MFSD6: variants seen among roughly 807,000 people sequenced by gnomAD.
MFSD6 encodes major facilitator superfamily domain-containing protein 6.
A neutral mutation model predicts 56.3 loss-of-function variants in MFSD6; 26 were observed. That is an observed-to-expected ratio of 0.46 (90% CI 0.34 to 0.64). The LOEUF is 0.64. MFSD6 is among the 30% of genes least tolerant of loss of function. MFSD6 has a pLI of 0.01. For synonymous variants in MFSD6, 331 were observed against 366.9 expected (o/e 0.90, Z 1.12); for missense variants, 750 against 986.2 (o/e 0.76, Z 3.21).
In MFSD6 at chr2:190,476,475, A is replaced by G. The variant is rs1688321453; in HGVS notation, c.1630+6620A>G. On this transcript the variant is annotated intron_variant, in intron 4 of 7. Coordinates refer to ENST00000392328, the MANE Select transcript of MFSD6 (RefSeq NM_017694.4). The stretch of plus-strand genomic sequence containing the variant: ...AAAATGCTCATCATCACTGGCCATC[A>G]GAGAAATGCAAATCAAAACCACAAT... Among the ~76,000 whole-genome samples, 4 of 152,242 alleles carry G rather than the reference A, an allele frequency of 2.6e-5. No homozygotes were observed. The South Asian group carries it at 8.3e-4, about 32-fold the overall frequency.
In MFSD6 at chr2:190,501,986, G is replaced by C. The variant is rs945606655; in HGVS notation, c.*1768G>C. On this transcript the variant is annotated 3_prime_UTR_variant, in exon 8 of 8. Coordinates refer to ENST00000392328, the MANE Select transcript of MFSD6 (RefSeq NM_017694.4). ...AAGTCAAAAACTTGTACTGTATCTTGTGTTTACAGTTCTGATTTATTCCTT... is the reference window on the plus strand; with the variant it reads ...AAGTCAAAAACTTGTACTGTATCTTCTGTTTACAGTTCTGATTTATTCCTT... The C allele has an allele frequency of 1.3e-5, 2 of 152,612 alleles. No homozygotes were observed. The highest frequency in any genetic ancestry group is 2.9e-5 in the Non-Finnish European group (2 of 68,030). The allele number at this position is 152,612 out of a possible 1,614,324, so 9.5% of individuals were successfully genotyped here.
chr2:190,433,937 T>TCAGGTG lies in MFSD6; in HGVS notation c.-53-2039_-53-2038insAGGTGC, dbSNP rs1686088943. Among the ~76,000 whole-genome samples, 1 of 152,148 alleles carries TCAGGTG rather than the reference T, an allele frequency of 6.6e-6. No homozygotes were observed. Among genetic ancestry groups the TCAGGTG allele is most frequent in the Non-Finnish European group, 1.5e-5 (1 of 68,006 alleles). ...AGGGTGCAGTGGTTCACGCCTGTAA[T>TCAGGTG]CCCAGCACTTTGGGAGGCTGAGGCA... On this transcript the variant is annotated intron_variant, in intron 2 of 7. Coordinates refer to ENST00000392328, the MANE Select transcript of MFSD6 (RefSeq NM_017694.4). The surrounding 1 kb of genome is among the most constrained non-coding windows in gnomAD (Gnocchi z 4.5).
At position 190,467,444 on chromosome 2, in the gene MFSD6, C is replaced by T. The variant is rs565867150; in HGVS notation, c.1533-2314C>T. Among the ~76,000 whole-genome samples the T allele has an allele frequency of 1.3e-5, 2 of 152,302 alleles. No homozygotes were observed. The highest frequency in any genetic ancestry group is 2.9e-5 in the Non-Finnish European group (2 of 68,034). On this transcript the variant is annotated intron_variant, in intron 3 of 7. Transcript: ENST00000392328. The surrounding 1 kb of genome is among the most constrained non-coding windows in gnomAD (Gnocchi z 5.5). ...CCTGGCCAACATGGCAAAACCTCGTCTCTACTAAAAATACAAAAATTAGCC... is the reference window on the plus strand; with the variant it reads ...CCTGGCCAACATGGCAAAACCTCGTTTCTACTAAAAATACAAAAATTAGCC...
At position 190,488,193 on chromosome 2, in the gene MFSD6, G is replaced by C. The variant is rs1342490005; in HGVS notation, c.1631-464G>C. ...TGGGATTACAGGCGTGAGCCACTGC[G>C]CCCAGCCACTCAAAAGAATTTAAAT... On this transcript the variant is annotated intron_variant, in intron 4 of 7. Coordinates refer to ENST00000392328, the MANE Select transcript of MFSD6 (RefSeq NM_017694.4). This position sits in a 1 kb window ranked among gnomAD's most constrained non-coding sequence, Gnocchi z 6.4. 6.6e-6 allele frequency among the ~76,000 whole-genome samples: 1 copy of C among 152,140 alleles called. No individual in the cohort carries two copies. The highest frequency in any genetic ancestry group is 2.1e-4 in the South Asian group (1 of 4,834).
rs773528789 is a variant in MFSD6, at chr2:190,463,987, A to C, written c.1533-5771A>C. 1 of 747,376 alleles carries C rather than the reference A, an allele frequency of 1.3e-6. No homozygotes were observed. The highest frequency in any genetic ancestry group is 1.6e-6 in the Non-Finnish European group (1 of 612,708). 46.3% of individuals were successfully genotyped at this position (747,376 alleles called of 1,614,324 possible). A position where few individuals can be genotyped will look rare whatever the true frequency, so the allele number is the denominator to read the frequency against. ...CTGGTGTCAACAACCAGCTCTTTTCATTAGGAAATCTAGTAAAAACTCCAG... is the reference window on the plus strand; with the variant it reads ...CTGGTGTCAACAACCAGCTCTTTTCCTTAGGAAATCTAGTAAAAACTCCAG... On this transcript the variant is annotated intron_variant, in intron 3 of 7. Transcript: ENST00000392328. This position sits in a 1 kb window ranked among gnomAD's most constrained non-coding sequence, Gnocchi z 4.4.
rs1218817640 is a variant in MFSD6, at chr2:190,491,290, T to C, written c.1891+1424T>C. On this transcript the variant is annotated intron_variant, in intron 6 of 7. Transcript: ENST00000392328. This position sits in a 1 kb window ranked among gnomAD's most constrained non-coding sequence, Gnocchi z 4.2. ...GGCAGGATTAGGTTGCAGCTCACAC[T>C]CAGGTGGACCGAGTAGCATGTGGAG... is the stretch of plus-strand genomic sequence containing the variant. 6.6e-6 allele frequency among the ~76,000 whole-genome samples: 1 copy of C among 152,172 alleles called. No individual in the cohort carries two copies. The highest frequency in any genetic ancestry group is 1.5e-5 in the Non-Finnish European group (1 of 68,034).
rs953119456 is a variant in MFSD6, at chr2:190,498,176, C to G, written c.2172+457C>G. On this transcript the variant is annotated intron_variant, in intron 7 of 7. Coordinates refer to ENST00000392328, the MANE Select transcript of MFSD6 (RefSeq NM_017694.4). This position sits in a 1 kb window ranked among gnomAD's most constrained non-coding sequence, Gnocchi z 5.9. ...GGAATTATGGTTATGCAGGTGGCCT[C>G]ACCTGAAAAATAAGTCTAAAAGTGT... 6.6e-6 allele frequency among the ~76,000 whole-genome samples: 1 copy of G among 152,162 alleles called. No individual in the cohort carries two copies. The highest frequency in any genetic ancestry group is 1.5e-5 in the Non-Finnish European group (1 of 68,042).
rs1690772672 is a variant in MFSD6, at chr2:190,416,301, A to G, written c.-54+888A>G. On this transcript the variant is annotated intron_variant, in intron 2 of 7. Transcript: ENST00000392328. The surrounding 1 kb of genome is among the most constrained non-coding windows in gnomAD (Gnocchi z 4.1). ...ATTTCCTCCAACCCTTAAGAGATCA[A>G]AATAATTTGTTCCTTTTTCACCCTG... Among the ~76,000 whole-genome samples, 1 of 152,228 alleles carries G rather than the reference A, an allele frequency of 6.6e-6. No homozygotes were observed. Among genetic ancestry groups the G allele is most frequent in the South Asian group, 2.1e-4 (1 of 4,834 alleles).
rs922547664 is a variant in MFSD6 at position 190,425,459 on chromosome 2, C to G, written c.-54+10046C>G. ...TCTTTCACCATTAAGTGCAGTGTTA[C>G]CCATGGGTTTCCGTAGGTGATCTTT... On this transcript the variant is annotated intron_variant, in intron 2 of 7. Coordinates refer to ENST00000392328, the MANE Select transcript of MFSD6 (RefSeq NM_017694.4). This position sits in a 1 kb window ranked among gnomAD's most constrained non-coding sequence, Gnocchi z 4.3. 7.9e-5 allele frequency among the ~76,000 whole-genome samples: 12 copies of G among 152,182 alleles called. No individual in the cohort carries two copies. Among genetic ancestry groups the G allele is most frequent in the African/African-American group, 2.9e-4 (12 of 41,448 alleles).
At chr2:190,445,226 A>G (rs34162202) in intron 3 of MFSD6, among the ~76,000 whole-genome samples, 2 of 152,184 alleles carry the variant, frequency 1.3e-5, no homozygotes, top group Non-Finnish European at 2.9e-5. Flanking sequence ...GATGCAAAGC[A>G]CTCAGAATGG....
At chr2:190,460,162 C>T (rs966134317) in intron 3 of MFSD6, among the ~76,000 whole-genome samples, 12 of 152,188 alleles carry the variant, frequency 7.9e-5, no homozygotes, top group African/African-American at 1.9e-4. Context: ...TTGCACAGTG[C>T]GTCAGGATGC....
intron 2 of MFSD6, among the ~76,000 whole-genome samples, chr2:190,430,449 C>T (rs1465725420): frequency 6.6e-6 from 1 of 151,446 alleles, no homozygotes; most frequent in Non-Finnish European, 1.5e-5. Context: ...TAACAAAGCA[C>T]ATCTTGCACC....
rs756890487 is a variant in MFSD6, at chr2:190,436,774, C to G, written c.745C>G (p.Pro249Ala). Residue 249 changes from proline to alanine, a missense_variant, in exon 3 of 8, where the codon CCT (proline) becomes GCT (alanine). This residue lies in a region of MFSD6 where 376 missense variants were observed against 437.9 expected (regional missense o/e 0.86). Coordinates refer to ENST00000392328, the MANE Select transcript of MFSD6 (RefSeq NM_017694.4). The surrounding 1 kb of genome is among the most constrained non-coding windows in gnomAD (Gnocchi z 5.3). ...DLTLNSSTAT[P>A]VSPGSVTKET... ...GACTTTGAACTCAAGCACAGCAACC[C>G]CTGTCTCCCCAGGAAGCGTAACCAA... is the stretch of plus-strand genomic sequence containing the variant. 2 of 1,614,172 alleles carry G rather than the reference C, an allele frequency of 1.2e-6. No homozygotes were observed. The highest frequency in any genetic ancestry group is 1.7e-6 in the Non-Finnish European group (2 of 1,180,028).
chr2:190,411,383 C>G, intron 1 of MFSD6: 1 of 671,380 alleles, frequency 1.5e-6, no homozygotes, highest in Non-Finnish European at 1.8e-6. Flanking sequence ...TGGTCTCCAT[C>G]TCCTGACCTC....
intron 4 of MFSD6, among the ~76,000 whole-genome samples, chr2:190,486,308 C>T (rs754455479): frequency 2.0e-5 from 3 of 152,220 alleles, no homozygotes; most frequent in Non-Finnish European, 4.4e-5. Flanking sequence ...TTCATTCCCT[C>T]ACTCTGAATA....
intron 3 of MFSD6, among the ~76,000 whole-genome samples, chr2:190,449,478 A>G (rs2125082999): frequency 6.6e-6 from 1 of 152,288 alleles, no homozygotes; most frequent in East Asian, 1.9e-4. Flanking sequence ...CGTCTCAAAA[A>G]AAAAAAATTA....
rs1687543814 is a variant in MFSD6 at position 190,465,294 on chromosome 2, G to A, written c.1533-4464G>A. ...GATAACTTCAGTTTACCAACCACCTGTTCTAAAATTGCCTTTGTTTCTTGT... is the reference window on the plus strand; with the variant it reads ...GATAACTTCAGTTTACCAACCACCTATTCTAAAATTGCCTTTGTTTCTTGT... On this transcript the variant is annotated intron_variant, in intron 3 of 7. Transcript: ENST00000392328. This position sits in a 1 kb window ranked among gnomAD's most constrained non-coding sequence, Gnocchi z 4.6. Among the ~76,000 whole-genome samples the A allele has an allele frequency of 2.6e-5, 4 of 152,102 alleles. No homozygotes were observed. In the South Asian group the frequency reaches 6.2e-4, roughly 24 times the overall value.
intron 2 of MFSD6, among the ~76,000 whole-genome samples, chr2:190,427,412 C>T (rs11886184): frequency 0.3 from 45,945 of 151,982 alleles, 7,283 homozygotes; most frequent in African/African-American, 0.39. Flanking sequence ...TGGCTGCAGT[C>T]GAAGTTATTA....
In MFSD6 at chr2:190,418,887, A is replaced by G. The variant is rs1378185628; in HGVS notation, c.-54+3474A>G. ...TAGCAGCTCTGGGGAGCCCGTGGGC[A>G]GTGCTGAGTGCCTGGAGGGCTCAGG... is the stretch of plus-strand genomic sequence containing the variant. On this transcript the variant is annotated intron_variant, in intron 2 of 7. Coordinates refer to ENST00000392328, the MANE Select transcript of MFSD6 (RefSeq NM_017694.4). The surrounding 1 kb of genome is among the most constrained non-coding windows in gnomAD (Gnocchi z 4.1). 6.6e-6 allele frequency among the ~76,000 whole-genome samples: 1 copy of G among 152,236 alleles called. No homozygotes were observed. Among genetic ancestry groups the G allele is most frequent in the Non-Finnish European group, 1.5e-5 (1 of 68,030 alleles).
Sources: gnomAD v4.1 joint callset for allele counts (sites outside exome capture counted in the v4.1 genomes callset) on GRCh38, gnomAD v4.1.1 for gene constraint, gnomAD v4.1.1 regional missense constraint, Gnocchi (gnomAD v3.1) non-coding constraint, MANE v1.5 for transcripts, NCBI Gene and HGNC (gene_info 2026-07-23, HGNC 2026-07-21) for gene names.